Variants in HCK observed in about 807,000 individuals in gnomAD.
The protein encoded by HCK is tyrosine-protein kinase HCK.
Under a neutral mutation model 70.4 loss-of-function variants are expected in HCK, and 40 were observed. That is an observed-to-expected ratio of 0.57 (90% CI 0.44 to 0.74). The LOEUF is 0.74. Ranked by LOEUF, HCK falls within the 30% of genes least tolerant of loss-of-function variation. HCK has a pLI of 0.00. For missense variants in HCK, 568 were observed against 697.2 expected (o/e 0.81, Z 2.09); for synonymous variants, 245 against 263.2 (o/e 0.93, Z 0.67).
At chr20:32,059,433 T>C (rs138396759) in intron 1 of HCK, among the ~76,000 whole-genome samples, 144 of 59,530 alleles carry the variant, frequency 2.4e-3, no homozygotes, top group Admixed American at 9.3e-3. Flanking sequence ...TTCTTTCTTT[T>C]TTCTTTCTTT....
chr20:32,052,597 C>G, intron 1 of HCK, 111 bp downstream of exon 1: 1 of 759,594 alleles, frequency 1.3e-6, no homozygotes, highest in Non-Finnish European at 1.8e-6. Flanking sequence ...CTGGGGGCAG[C>G]GAGGGGAGAC....
At chr20:32,062,472 T>C (rs1046109320) in intron 1 of HCK, among the ~76,000 whole-genome samples, 1 of 152,132 alleles carries the variant, frequency 6.6e-6, no homozygotes, top group Non-Finnish European at 1.5e-5. Context: ...GTTGAATAAG[T>C]GTTTGGAACA....
rs571545934 is a variant in HCK at position 32,075,275 on chromosome 20, C to T, written c.428+554C>T. Among the ~76,000 whole-genome samples, 4 of 152,272 alleles carry T rather than the reference C, an allele frequency of 2.6e-5. No homozygotes were observed. The East Asian group carries it at 7.7e-4, about 29-fold the overall frequency. ...TAGCACCATCACAGCTCACTTCAGC[C>T]TCAGCCTCCCTGGGCTCAGTTGATC... On this transcript the variant is annotated intron_variant, in intron 5 of 12. Coordinates refer to ENST00000375852, the MANE Select transcript of HCK (RefSeq NM_002110.5).
chr20:32,091,309 G>A (rs951223755), intron 10 of HCK, among the ~76,000 whole-genome samples: 1 of 152,216 alleles, frequency 6.6e-6, no homozygotes, highest in African/African-American at 2.4e-5. Flanking sequence ...AGGTAAGTGC[G>A]TGGACCCCAA....
rs747584152 is a variant in HCK, at chr20:32,075,706, T to TCATTCATCCATC, written c.428+988_428+989insTCATCCATCCAT. On this transcript the variant is annotated intron_variant, in intron 5 of 12. Transcript: ENST00000375852. ...GTCATCCATCCATCCATCCATCCAT[T>TCATTCATCCATC]CATCCATCCATCCATCCATCCATCC... Among the ~76,000 whole-genome samples the TCATTCATCCATC allele has an allele frequency of 1.2e-3, 178 of 150,474 alleles. 1 individual carries two copies. The highest frequency in any genetic ancestry group is 4.0e-3 in the African/African-American group (163 of 40,824).
At chr20:32,057,354 C>G (rs1002477254) in intron 1 of HCK, among the ~76,000 whole-genome samples, 1 of 152,200 alleles carries the variant, frequency 6.6e-6, no homozygotes, top group Non-Finnish European at 1.5e-5. Flanking sequence ...AATCCCAGCA[C>G]TTTGGGAGGC....
chr20:32,100,200 G>A (rs1600754196), intron 12 of HCK, among the ~76,000 whole-genome samples: 1 of 152,106 alleles, frequency 6.6e-6, no homozygotes, highest in Non-Finnish European at 1.5e-5. Flanking sequence ...ACACCACCAT[G>A]CCCAGCTAAT....
chr20:32,086,757 C>T lies in HCK; in HGVS notation c.965C>T (p.Ala322Val). The change falls in exon 9 of 13, where the codon GCG (alanine) becomes GTG (valine). Residue 322 changes from alanine (A) to valine (V), a missense_variant. By Grantham distance (64) the Ala-to-Val change is moderately conservative (BLOSUM62 0). Coordinates refer to ENST00000375852, the MANE Select transcript of HCK (RefSeq NM_002110.5). ...CATGACAAGCTGGTCAAACTTCATGCGGTGGTCACCAAGGAGCCCATCTAC... is the reference window on the plus strand; with the variant it reads ...CATGACAAGCTGGTCAAACTTCATGTGGTGGTCACCAAGGAGCCCATCTAC... The T allele has an allele frequency of 3.1e-6, 5 of 1,603,046 alleles. No individual in the cohort carries two copies. Among genetic ancestry groups the T allele is most frequent in the Non-Finnish European group, 4.3e-6 (5 of 1,174,570 alleles).
intron 6 of HCK, among the ~76,000 whole-genome samples, chr20:32,082,183 T>C (rs1378232856): frequency 1.3e-5 from 2 of 152,190 alleles, no homozygotes; most frequent in African/African-American, 4.8e-5. Flanking sequence ...ATGATGATAT[T>C]ATAAAACCCT....
chr20:32,053,924 A>G (rs1056704853), intron 1 of HCK, among the ~76,000 whole-genome samples: 21 of 152,030 alleles, frequency 1.4e-4, no homozygotes, highest in African/African-American at 5.1e-4. Context: ...CCACTGGGGT[A>G]GCCTATGCCT....
At chr20:32,094,791 A>AGGAAAGAAAGAAAGAGAGAGAAAG (rs1569010416) in intron 11 of HCK, among the ~76,000 whole-genome samples, 49 of 21,720 alleles carry the variant, frequency 2.3e-3, no homozygotes, top group East Asian at 8.4e-3. Context: ...GAGAAAGAGA[A>AGGAAAGAAAGAAAGAGAGAGAAAG]AGAAAGAAAG....
intron 5 of HCK, among the ~76,000 whole-genome samples, chr20:32,074,941 T>C (rs2045600417): frequency 6.6e-6 from 1 of 152,112 alleles, no homozygotes; most frequent in Non-Finnish European, 1.5e-5. Context: ...TGGAAACCTG[T>C]TTTAATCCCT....
At chr20:32,052,533 TC>T in intron 1 of HCK, 47 bp downstream of exon 1, 1 of 1,233,172 alleles carries the variant, frequency 8.1e-7, no homozygotes, top group Non-Finnish European at 1.0e-6. Context: ...CCGCGAGGGG[TC>T]CCAGGAGGCG....
chr20:32,086,847 T>C, intron 9 of HCK, 40 bp downstream of exon 9: 1 of 1,506,418 alleles, frequency 6.6e-7, no homozygotes, highest in Non-Finnish European at 8.9e-7. Flanking sequence ...CTGTGGCCTA[T>C]ACTGGTCAAT....
chr20:32,055,151 C>T (rs1399727699), intron 1 of HCK, among the ~76,000 whole-genome samples: 1 of 151,938 alleles, frequency 6.6e-6, no homozygotes, highest in Non-Finnish European at 1.5e-5. Flanking sequence ...GATGGCTCCC[C>T]AGAGAGGGCA....
At chr20:32,096,266 A>C (rs1368290072) in intron 11 of HCK, among the ~76,000 whole-genome samples, 1 of 150,938 alleles carries the variant, frequency 6.6e-6, no homozygotes, top group Non-Finnish European at 1.5e-5. Context: ...TGGGAGGCCA[A>C]GGCAGGCGGA....
chr20:32,096,383 G>A (rs1384604392), intron 11 of HCK, among the ~76,000 whole-genome samples: 1 of 151,458 alleles, frequency 6.6e-6, no homozygotes, highest in Non-Finnish European at 1.5e-5. Flanking sequence ...TGTAGTCCCA[G>A]CTACTCGGGA....
intron 1 of HCK, among the ~76,000 whole-genome samples, chr20:32,061,747 TGAA>T (rs1222242941): frequency 6.6e-6 from 1 of 151,952 alleles, no homozygotes; most frequent in Non-Finnish European, 1.5e-5. Flanking sequence ...GTTGGTGAGT[TGAA>T]GAAGAGCAAG....
intron 1 of HCK, among the ~76,000 whole-genome samples, chr20:32,062,809 C>T (rs775573405): frequency 2.0e-5 from 3 of 152,280 alleles, no homozygotes; most frequent in Non-Finnish European, 2.9e-5. Flanking sequence ...TCAGGGAACC[C>T]GAGGAGAGGG....
Sources: gnomAD v4.1 joint callset for allele counts (sites outside exome capture counted in the v4.1 genomes callset) on GRCh38, gnomAD v4.1.1 for gene constraint, MANE v1.5 for transcripts, NCBI Gene and HGNC (gene_info 2026-07-23, HGNC 2026-07-21) for gene names.